Variants in LRMDA observed in about 807,000 individuals in gnomAD.
The protein encoded by LRMDA is leucine-rich melanocyte differentiation-associated protein.
In LRMDA, 18 loss-of-function variants were observed where a neutral mutation model predicts 29.8. The ratio of observed to expected loss-of-function variants is 0.60; its 90% confidence interval spans 0.42 to 0.90. LRMDA has a LOEUF of 0.90. Ranked by LOEUF, LRMDA falls within the 40% of genes least tolerant of loss-of-function variation. The pLI is 0.00. For missense variants in LRMDA, 273 were observed against 273.9 expected (o/e 1.00, Z 0.02); for synonymous variants, 125 against 109.4 (o/e 1.14, Z -0.89).
At chr10:76,469,989 G>A (rs1842601879) in intron 6 of LRMDA, among the ~76,000 whole-genome samples, 1 of 151,872 alleles carries the variant, frequency 6.6e-6, no homozygotes, top group South Asian at 2.1e-4. Context: ...TTAACAATTA[G>A]CTTTCATTAG....
chr10:75,583,983 GC>G (rs949405098), intron 2 of LRMDA, among the ~76,000 whole-genome samples: 6 of 151,974 alleles, frequency 3.9e-5, no homozygotes, highest in African/African-American at 1.4e-4. Context: ...CCCCTTCCCA[GC>G]CCCCCCATAG....
chr10:75,749,267 G>A (rs950595802), intron 2 of LRMDA, among the ~76,000 whole-genome samples: 2 of 151,880 alleles, frequency 1.3e-5, no homozygotes, highest in African/African-American at 2.4e-5. Flanking sequence ...CATACAAAAC[G>A]TGTTAACCTA....
chr10:75,684,146 G>C (rs1007202570), intron 2 of LRMDA, among the ~76,000 whole-genome samples: 2 of 152,206 alleles, frequency 1.3e-5, no homozygotes, highest in South Asian at 4.1e-4. Context: ...TTAGAAAGCA[G>C]TGTGAGGCAT....
At chr10:75,523,272 C>A (rs1845381444) in intron 2 of LRMDA, among the ~76,000 whole-genome samples, 1 of 152,076 alleles carries the variant, frequency 6.6e-6, no homozygotes, top group African/African-American at 2.4e-5. Flanking sequence ...ATGCATCCTG[C>A]TGGAAATGCC....
chr10:75,440,354 A>G (rs1420459671), intron 2 of LRMDA, among the ~76,000 whole-genome samples: 1 of 151,656 alleles, frequency 6.6e-6, no homozygotes, highest in African/African-American at 2.4e-5. Context: ...TTGGTTTCAC[A>G]TCTGGTCAGG....
intron 5 of LRMDA, among the ~76,000 whole-genome samples, chr10:76,286,297 G>A (rs1239866861): frequency 1.3e-5 from 2 of 152,204 alleles, no homozygotes; most frequent in Non-Finnish European, 1.5e-5. Context: ...GCTGTAAGGA[G>A]TGGAGAAAGC....
intron 2 of LRMDA, among the ~76,000 whole-genome samples, chr10:75,764,569 A>G (rs1234187716): frequency 3.9e-5 from 6 of 152,248 alleles, no homozygotes; most frequent in Middle Eastern, 3.4e-3. Flanking sequence ...GTGGGTTTGC[A>G]TTTTTCCAGG....
At chr10:75,904,400 T>A (rs1308322467) in intron 2 of LRMDA, among the ~76,000 whole-genome samples, 1 of 152,186 alleles carries the variant, frequency 6.6e-6, no homozygotes, top group Non-Finnish European at 1.5e-5. Context: ...CTGGTGGCCG[T>A]CTATGGTTTG....
intron 2 of LRMDA, among the ~76,000 whole-genome samples, chr10:75,944,894 C>T (rs1295257809): frequency 6.6e-6 from 1 of 151,672 alleles, no homozygotes; most frequent in African/African-American, 2.4e-5. Context: ...TCATCTTTTC[C>T]CTTAAGACCT....
intron 2 of LRMDA, among the ~76,000 whole-genome samples, chr10:75,805,167 T>A (rs1422968972): frequency 6.6e-6 from 1 of 152,192 alleles, no homozygotes; most frequent in Admixed American, 6.5e-5. Flanking sequence ...CTAGCCTCCA[T>A]AGACTAGTGT....
At chr10:75,642,071 C>T (rs117384342) in intron 2 of LRMDA, among the ~76,000 whole-genome samples, 2,235 of 152,234 alleles carry the variant, frequency 0.015, 39 homozygotes, top group Non-Finnish European at 0.02. Flanking sequence ...CCTTCAAAGA[C>T]CATTACGTTG....
chr10:76,041,862 C>A (rs1035720058), intron 3 of LRMDA, among the ~76,000 whole-genome samples: 1 of 152,102 alleles, frequency 6.6e-6, no homozygotes, highest in African/African-American at 2.4e-5. Context: ...AGGTGTGTGC[C>A]GGGAACCCAG....
At chr10:75,572,451 A>G (rs889772978) in intron 2 of LRMDA, among the ~76,000 whole-genome samples, 3 of 152,050 alleles carry the variant, frequency 2.0e-5, no homozygotes, top group African/African-American at 7.3e-5. Flanking sequence ...AATGCCTACC[A>G]CATAGGAGAG....
At chr10:75,541,455 A>G (rs143221338) in intron 2 of LRMDA, among the ~76,000 whole-genome samples, 1 of 144,830 alleles carries the variant, frequency 6.9e-6, no homozygotes, top group East Asian at 2.0e-4. Context: ...GCAAAAGGCC[A>G]TTTCTTAAGT....
chr10:76,536,108 T>G (rs1466146208), intron 6 of LRMDA: 1 of 152,210 alleles, frequency 6.6e-6, no homozygotes, highest in African/African-American at 2.4e-5. Context: ...GACATTTAAA[T>G]AAATTACAGA....
intron 5 of LRMDA, among the ~76,000 whole-genome samples, chr10:76,078,677 TA>T (rs1180367513): frequency 6.6e-6 from 1 of 151,914 alleles, no homozygotes; most frequent in Non-Finnish European, 1.5e-5. Flanking sequence ...CTACTAAAAA[TA>T]CAAAAAAATT....
At chr10:76,177,860 G>T (rs1378504414) in intron 5 of LRMDA, among the ~76,000 whole-genome samples, 1 of 152,194 alleles carries the variant, frequency 6.6e-6, no homozygotes, top group Non-Finnish European at 1.5e-5. Flanking sequence ...CCATTTTCCA[G>T]ATGAGAAAAC....
chr10:75,464,563 T>C (rs894864890), intron 2 of LRMDA, among the ~76,000 whole-genome samples: 1 of 152,094 alleles, frequency 6.6e-6, no homozygotes, highest in Non-Finnish European at 1.5e-5. Context: ...ATCAGATCGA[T>C]GGGATATATG....
chr10:76,365,085 CATATATATAT>C (rs554375602), intron 6 of LRMDA, among the ~76,000 whole-genome samples: 6 of 69,726 alleles, frequency 8.6e-5, no homozygotes, highest in Admixed American at 3.4e-4. Flanking sequence ...CACACACACA[CATATATATAT>C]ATATATATAT....
Sources: allele counts gnomAD v4.1 joint callset (sites outside exome capture counted in the v4.1 genomes callset), GRCh38; gene constraint gnomAD v4.1.1; transcripts MANE v1.5; gene names NCBI Gene and HGNC (gene_info 2026-07-23, HGNC 2026-07-21).